The following RCOR1 variants were observed in gnomAD, a reference collection of about 807,000 sequenced individuals.
RCOR1 encodes the protein REST corepressor.
RCOR1 carries 12 observed loss-of-function variants against 64.0 expected under a neutral mutation model. The observed-to-expected ratio is 0.19, with a 90% CI of 0.12 to 0.30. RCOR1 has a LOEUF of 0.30. Among genes scored for constraint, RCOR1 ranks in the 10% least tolerant of loss-of-function variants. The probability of loss-of-function intolerance (pLI) is 1.00; values close to 1 mark genes in which losing one functional copy is unlikely to be tolerated. For missense variants in RCOR1, 502 were observed against 621.2 expected, an observed-to-expected ratio of 0.81 and a Z score of 2.04; for synonymous variants, 279 against 227.2, an observed-to-expected ratio of 1.23 and a Z score of -2.05.
chr14:102,695,899 C>A (rs1225702549), intron 3 of RCOR1, among the ~76,000 whole-genome samples: 1 of 151,882 alleles, frequency 6.6e-6, no homozygotes, highest in Admixed American at 6.6e-5. Context: ...AGCTGTGTGA[C>A]CCTAGCCAGA....
chr14:102,635,515 G>T (rs1402883229), intron 2 of RCOR1, among the ~76,000 whole-genome samples: 1 of 151,800 alleles, frequency 6.6e-6, no homozygotes. Context: ...AAAAAGAAAT[G>T]GAAGCAATGT....
intron 2 of RCOR1, among the ~76,000 whole-genome samples, chr14:102,627,960 G>GT (rs1894016119): frequency 4.7e-5 from 7 of 148,972 alleles, no homozygotes; most frequent in East Asian, 2.0e-4. Context: ...ATTTAAAAGG[G>GT]GTGTGTGTGT....
At chr14:102,701,234 T>G (rs1298943238) in intron 3 of RCOR1, 44 bp from the exon 4 acceptor site, 1 of 1,503,192 alleles carries the variant, frequency 6.7e-7, no homozygotes, top group Non-Finnish European at 9.3e-7. Context: ...TAGGGTGTAC[T>G]CTGTCCCTCA....
intron 2 of RCOR1, chr14:102,656,129 A>ATTTTTTTAT (rs1555464412): frequency 4.4e-5 from 43 of 979,052 alleles, no homozygotes; most frequent in South Asian, 2.8e-4. Context: ...CTTTGCTGAG[A>ATTTTTTTAT]TTTTTTTATT....
At chr14:102,689,919 A>G (rs920229798) in intron 3 of RCOR1, among the ~76,000 whole-genome samples, 3 of 151,924 alleles carry the variant, frequency 2.0e-5, no homozygotes, top group Non-Finnish European at 2.9e-5. Flanking sequence ...AATTTTTTGT[A>G]TTTTTAGTAG....
intron 2 of RCOR1, among the ~76,000 whole-genome samples, chr14:102,679,510 G>T (rs1420491157): frequency 1.4e-5 from 2 of 145,814 alleles, no homozygotes; most frequent in Admixed American, 1.4e-4. Context: ...ACAGAATCTC[G>T]CTCTGTCACC....
chr14:102,676,989 G>A (rs1895183405), intron 2 of RCOR1, among the ~76,000 whole-genome samples: 1 of 103,494 alleles, frequency 9.7e-6, no homozygotes, highest in African/African-American at 4.2e-5. Context: ...CCGGGCAGAG[G>A]CGCCCCTCAC....
intron 3 of RCOR1, among the ~76,000 whole-genome samples, chr14:102,699,453 G>T (rs1170105786): frequency 6.6e-6 from 1 of 152,162 alleles, no homozygotes; most frequent in Non-Finnish European, 1.5e-5. Context: ...TAGAATACAT[G>T]CTTCTATAAG....
chr14:102,616,512 C>T (rs1893766154), intron 2 of RCOR1, among the ~76,000 whole-genome samples: 1 of 152,082 alleles, frequency 6.6e-6, no homozygotes, highest in African/African-American at 2.4e-5. Flanking sequence ...CTCAAGCAGT[C>T]CTCCGGCCTT....
intron 4 of RCOR1, among the ~76,000 whole-genome samples, chr14:102,703,540 A>G (rs537918021): frequency 2.6e-5 from 4 of 152,214 alleles, no homozygotes; most frequent in Non-Finnish European, 5.9e-5. Flanking sequence ...GCCAGAGGCA[A>G]TGGTCTGATA....
At chr14:102,700,347 A>T (rs1476215048) in intron 3 of RCOR1, among the ~76,000 whole-genome samples, 1 of 152,010 alleles carries the variant, frequency 6.6e-6, no homozygotes, top group East Asian at 1.9e-4. Context: ...TCAGCCTCCC[A>T]AGTAGCTGGG....
At chr14:102,639,501 A>ATTTT (rs1243621404) in intron 2 of RCOR1, among the ~76,000 whole-genome samples, 2 of 23,396 alleles carry the variant, frequency 8.5e-5, no homozygotes, top group Admixed American at 3.3e-4. Context: ...TTTAATTTTT[A>ATTTT]TTTATTTATT....
rs1268970474 is a variant in RCOR1, at chr14:102,721,939, T to C, written c.1190-248T>C. ...AGAATGTCCCCAACCCTAGGGCAAT[T>C]GCTGGGTGACTTCAGCTGTTATGTG... is the stretch of plus-strand genomic sequence containing the variant. On this transcript the variant is annotated intron_variant, in intron 10 of 11. Transcript: ENST00000262241. 2.0e-5 allele frequency among the ~76,000 whole-genome samples: 3 copies of C among 152,180 alleles called. No individual in the cohort carries two copies. In the East Asian group the frequency reaches 5.8e-4, roughly 29 times the overall value.
At chr14:102,680,421 C>G (rs1895280125) in intron 2 of RCOR1, among the ~76,000 whole-genome samples, 1 of 152,074 alleles carries the variant, frequency 6.6e-6, no homozygotes, top group Non-Finnish European at 1.5e-5. Flanking sequence ...CCTTTGGGGT[C>G]CCTCCCCACA....
At chr14:102,648,003 A>T (rs1264510081) in intron 2 of RCOR1, among the ~76,000 whole-genome samples, 2 of 152,164 alleles carry the variant, frequency 1.3e-5, no homozygotes. Context: ...TGATGGTCAT[A>T]TTATTCCAGA....
At chr14:102,615,921 C>T (rs775269767) in intron 2 of RCOR1, among the ~76,000 whole-genome samples, 1 of 152,326 alleles carries the variant, frequency 6.6e-6, no homozygotes, top group East Asian at 1.9e-4. Flanking sequence ...GCCATCAGTT[C>T]TGCAGTGGGC....
At chr14:102,646,066 C>G (rs1894472242) in intron 2 of RCOR1, among the ~76,000 whole-genome samples, 1 of 152,100 alleles carries the variant, frequency 6.6e-6, no homozygotes, top group Non-Finnish European at 1.5e-5. Flanking sequence ...GCCTGGGGTT[C>G]TAGGGGAGGA....
In RCOR1 at chr14:102,646,679, C is replaced by T. The variant is rs1476687485; in HGVS notation, c.362-35216C>T. Among the ~76,000 whole-genome samples, 4 of 152,158 alleles carry T rather than the reference C, an allele frequency of 2.6e-5. No homozygotes were observed. The East Asian group carries it at 7.7e-4, about 29-fold the overall frequency. ...GGAAGTGTGGAAATGTGAATAAGGA[C>T]TGTATACTAATGATAATGAATTAAT... On this transcript the variant is annotated intron_variant, in intron 2 of 11. Transcript: ENST00000262241.
At chr14:102,692,772 T>TC (rs1340365663) in intron 3 of RCOR1, among the ~76,000 whole-genome samples, 4 of 136,428 alleles carry the variant, frequency 2.9e-5, no homozygotes, top group Admixed American at 7.4e-5. Flanking sequence ...CTTTTTCTTT[T>TC]TTTTTTTTTT....
Sources: allele counts gnomAD v4.1 joint callset (sites outside exome capture counted in the v4.1 genomes callset), GRCh38; gene constraint gnomAD v4.1.1; transcripts MANE v1.5; gene names NCBI Gene and HGNC (gene_info 2026-07-23, HGNC 2026-07-21).